The following SMC1B variants were observed in gnomAD, a reference collection of about 807,000 sequenced individuals.
The protein encoded by SMC1B is structural maintenance of chromosomes protein 1B.
Under a neutral mutation model 157.9 loss-of-function variants are expected in SMC1B, and 60 were observed. The ratio of observed to expected loss-of-function variants is 0.38; its 90% CI spans 0.31 to 0.47. The LOEUF is 0.47. SMC1B is among the 20% of genes least tolerant of loss of function. The pLI is 0.99. For missense variants in SMC1B, 1,165 were observed against 1,426.2 expected (o/e 0.82, Z 2.95); for synonymous variants, 445 against 483.0 (o/e 0.92, Z 1.03).
rs1208141845 is a variant in SMC1B at position 45,344,287 on chromosome 22, AAGTT to A, written c.*265_*268del. 4.3e-6 allele frequency: 1 copy of A among 231,242 alleles called. No homozygotes were observed. The highest frequency in any genetic ancestry group is 2.3e-5 in the African/African-American group (1 of 44,404). 14.3% of individuals were successfully genotyped at this position (231,242 alleles called of 1,614,324 possible). A position where few individuals can be genotyped will look rare whatever the true frequency, so the allele number is the denominator to read the frequency against. On this transcript the variant is annotated 3_prime_UTR_variant, in exon 25 of 25. Coordinates refer to ENST00000357450, the MANE Select transcript of SMC1B (RefSeq NM_148674.5). Reference sequence around the variant, plus strand: ...ACCAAACTAGCTTATTTCAAAATAGAAGTTAGAATTATAGTACAAAATTGTACCT... The same window carrying A: ...ACCAAACTAGCTTATTTCAAAATAGAAGAATTATAGTACAAAATTGTACCT...
chr22:45,412,182 T>C (rs985361168), intron 1 of SMC1B, among the ~76,000 whole-genome samples: 17 of 149,884 alleles, frequency 1.1e-4, no homozygotes, highest in Admixed American at 1.0e-3. Flanking sequence ...GCCCGGCCAA[T>C]TTTATTTTAT....
In SMC1B at chr22:45,386,849, C is replaced by T. The variant is rs779465779; in HGVS notation, c.1911+18G>A. On this transcript the variant is annotated intron_variant, in intron 11 of 24. Transcript: ENST00000357450. ...ACTTCAACTTATCCAAAGGTGTGATCCAAGCCTCTTTTCTTACTTTCTGTC... is the reference window on the plus strand; with the variant it reads ...ACTTCAACTTATCCAAAGGTGTGATTCAAGCCTCTTTTCTTACTTTCTGTC... 3 of 1,609,028 alleles carry T rather than the reference C, an allele frequency of 1.9e-6. No individual in the cohort carries two copies. The highest frequency in any genetic ancestry group is 2.5e-6 in the Non-Finnish European group (3 of 1,176,512).
chr22:45,352,286 AAT>A (rs2086623196), intron 22 of SMC1B, among the ~76,000 whole-genome samples, 163 bp downstream of exon 22: 1 of 152,178 alleles, frequency 6.6e-6, no homozygotes, highest in Admixed American at 6.5e-5. Context: ...GTAAAGTCTA[AAT>A]TGTTGTAGGC....
rs1261098205 is a variant in SMC1B at position 45,344,402 on chromosome 22, G to A, written c.*154C>T. On this transcript the variant is annotated 3_prime_UTR_variant, in exon 25 of 25. Coordinates refer to ENST00000357450, the MANE Select transcript of SMC1B (RefSeq NM_148674.5). ...AATGAGGTCTGAACACTCAACTAAA[G>A]TGAGCCACAGCCTCTTTGGCTAGAA... 7.4e-6 allele frequency: 4 copies of A among 537,748 alleles called. No individual in the cohort carries two copies. Among genetic ancestry groups the A allele is most frequent in the African/African-American group, 3.8e-5 (2 of 52,820 alleles). The allele number at this position is 537,748 out of a possible 1,614,324, so 33.3% of individuals were successfully genotyped here.
At chr22:45,361,446 C>G (rs1236064303) in intron 17 of SMC1B, among the ~76,000 whole-genome samples, 2 of 143,490 alleles carry the variant, frequency 1.4e-5, no homozygotes, top group African/African-American at 2.4e-5. Flanking sequence ...AACCCTGTCT[C>G]TACTAAAAGA....
At chr22:45,347,960 C>T (rs548386959) in intron 23 of SMC1B, among the ~76,000 whole-genome samples, 2 of 152,150 alleles carry the variant, frequency 1.3e-5, no homozygotes, top group South Asian at 2.1e-4. Context: ...CTCTGCAGGC[C>T]GGTGCTGCCC....
At chr22:45,413,061 G>A (rs1233116906) in intron 1 of SMC1B, among the ~76,000 whole-genome samples, 2 of 152,138 alleles carry the variant, frequency 1.3e-5, no homozygotes, top group Non-Finnish European at 2.9e-5. Flanking sequence ...CCAGGGTGGG[G>A]GGCGAGGGTT....
intron 9 of SMC1B, 77 bp downstream of exon 9, chr22:45,393,557 C>A: frequency 9.4e-7 from 1 of 1,068,966 alleles, no homozygotes; most frequent in South Asian, 1.6e-5. Context: ...TTTCTAATCC[C>A]AAATGAGAAG....
At chr22:45,367,910 C>T (rs1257404699) in intron 15 of SMC1B, among the ~76,000 whole-genome samples, 1 of 152,200 alleles carries the variant, frequency 6.6e-6, no homozygotes, top group Non-Finnish European at 1.5e-5. Flanking sequence ...GTGACAATCT[C>T]AGCACTGTAT....
intron 12 of SMC1B, among the ~76,000 whole-genome samples, chr22:45,380,122 G>A (rs2086921970): frequency 6.6e-6 from 1 of 152,150 alleles, no homozygotes; most frequent in Admixed American, 6.5e-5. Context: ...TCCTCGAAAG[G>A]TAAATAATAT....
Position 45,352,443 on chromosome 22 carries a change from G to C in SMC1B, c.3425+8C>G. 2 of 1,610,598 alleles carry C rather than the reference G, an allele frequency of 1.2e-6. No homozygotes were observed. The highest frequency in any genetic ancestry group is 1.7e-6 in the Non-Finnish European group (2 of 1,178,342). On this transcript the variant is annotated splice_region_variant and intron_variant, in intron 22 of 24. Transcript: ENST00000357450. ...GATATGAAAACTGAATAGCTTTTGT[G>C]ACCTTACCTGTGCACAGCAAACAGG...
intron 19 of SMC1B, 70 bp downstream of exon 19, chr22:45,358,627 A>G: frequency 1.0e-6 from 1 of 985,092 alleles, no homozygotes; most frequent in African/African-American, 1.7e-5. Context: ...CTATCATCCA[A>G]AAATGATTCG....
chr22:45,370,046 G>C lies in SMC1B; in HGVS notation c.2328C>G (p.Ile776Met). The change falls in exon 15 of 25, where the codon ATC becomes ATG. Residue 776 changes from isoleucine to methionine, a missense_variant. Coordinates refer to ENST00000357450, the MANE Select transcript of SMC1B (RefSeq NM_148674.5). ...QEKIDKVEDD[I>M]FQHFCEEIGV... is the part of the protein sequence containing the mutation. ...CAATTTCTTCACAGAAGTGTTGGAA[G>C]ATATCGTCTTCTACCTTTTAAATTA... 9 of 1,569,282 alleles carry C rather than the reference G, an allele frequency of 5.7e-6. No homozygotes were observed. Among genetic ancestry groups the C allele is most frequent in the Non-Finnish European group, 7.8e-6 (9 of 1,151,044 alleles).
At chr22:45,353,923 A>AAAAAAAAAAACC in intron 21 of SMC1B, 55 bp downstream of exon 21, 1 of 1,036,896 alleles carries the variant, frequency 9.6e-7, no homozygotes, top group Non-Finnish European at 1.4e-6. Context: ...AAAAAAAACA[A>AAAAAAAAAAACC]CCACCACCGG....
chr22:45,361,880 A>C lies in SMC1B; in HGVS notation c.2667T>G (p.Thr889=). Residue 889 remains threonine, a synonymous_variant, in exon 17 of 25, where the codon ACT becomes ACG. Coordinates refer to ENST00000357450, the MANE Select transcript of SMC1B (RefSeq NM_148674.5). The part of the protein sequence containing the change: ...TQNSSAEKVQ[T]QIEEERKKFL... ...ACTTCTTCCGTTCCTCTTCAATTTGAGTTTGAACTTTCTCGGCACTGGAGT... is the reference window on the plus strand; with the variant it reads ...ACTTCTTCCGTTCCTCTTCAATTTGCGTTTGAACTTTCTCGGCACTGGAGT... 6.2e-7 allele frequency: 1 copy of C among 1,614,092 alleles called. No individual in the cohort carries two copies. The highest frequency in any genetic ancestry group is 1.1e-5 in the South Asian group (1 of 91,054).
intron 15 of SMC1B, 21 bp downstream of exon 15, chr22:45,369,933 A>G (rs1428877167): frequency 7.6e-7 from 1 of 1,312,004 alleles, no homozygotes; most frequent in East Asian, 2.4e-5. Flanking sequence ...GCTCCTTACC[A>G]ACATCTTTTT....
chr22:45,345,667 G>A, intron 23 of SMC1B, 98 bp from the exon 24 acceptor site: 3 of 706,370 alleles, frequency 4.2e-6, no homozygotes, highest in Non-Finnish European at 7.6e-6. Context: ...GGTCAGTTTA[G>A]GTGACAAGGA....
intron 11 of SMC1B, among the ~76,000 whole-genome samples, chr22:45,384,492 G>C (rs1206063202): frequency 6.6e-6 from 1 of 152,084 alleles, no homozygotes; most frequent in Non-Finnish European, 1.5e-5. Flanking sequence ...CACTTTGGGA[G>C]GCAGATCACT....
chr22:45,401,812 C>T (rs899465558), intron 5 of SMC1B, among the ~76,000 whole-genome samples: 3 of 151,628 alleles, frequency 2.0e-5, no homozygotes, highest in Non-Finnish European at 4.4e-5. Context: ...TGTCTGCATC[C>T]TTGATTTCCT....
Sources: allele counts gnomAD v4.1 joint callset (sites outside exome capture counted in the v4.1 genomes callset), GRCh38; gene constraint gnomAD v4.1.1; transcripts MANE v1.5; gene names NCBI Gene and HGNC (gene_info 2026-07-23, HGNC 2026-07-21).